Variants in ACTR3C observed in about 807,000 individuals in gnomAD.
ACTR3C encodes the protein actin related protein 3C.
A neutral mutation model predicts 26.3 loss-of-function variants in ACTR3C; 18 were observed. The observed-to-expected ratio is 0.68, with a 90% CI of 0.47 to 1.01. ACTR3C has a LOEUF of 1.01. ACTR3C is among the 50% of genes least tolerant of loss of function. The pLI, the probability that ACTR3C is intolerant of heterozygous loss-of-function variation, is 0.00. For missense variants in ACTR3C, 184 were observed against 250.7 expected (o/e 0.73, Z 1.80); for synonymous variants, 55 against 94.5 (o/e 0.58, Z 2.42).
At chr7:150,079,975 G>A in the ACTR3C span, among the ~76,000 whole-genome samples, 2 of 152,302 alleles carry the variant, frequency 1.3e-5, no homozygotes, top group South Asian at 2.1e-4. Context: ...TGAGGTCAGA[G>A]GCTATTTAAA....
At chr7:149,978,507 C>T in the ACTR3C span, among the ~76,000 whole-genome samples, 7 of 151,790 alleles carry the variant, frequency 4.6e-5, no homozygotes, top group Non-Finnish European at 8.8e-5. Context: ...CTAAGACCTA[C>T]GGGTGTCTAC....
chr7:150,252,877 T>C (rs927320154), intron 6 of ACTR3C, among the ~76,000 whole-genome samples: 2 of 152,118 alleles, frequency 1.3e-5, no homozygotes, highest in African/African-American at 4.8e-5. Flanking sequence ...TAATATGATA[T>C]ATTGTGTGAT....
At chr7:150,209,764 A>ACACACACAC in the ACTR3C span, among the ~76,000 whole-genome samples, 2 of 88,632 alleles carry the variant, frequency 2.3e-5, no homozygotes, top group Admixed American at 1.0e-4. Flanking sequence ...CACACACACA[A>ACACACACAC]AATTAGCTGG....
At chr7:150,296,766 TA>T (rs1459016085) in intron 1 of ACTR3C, among the ~76,000 whole-genome samples, 1 of 145,618 alleles carries the variant, frequency 6.9e-6, no homozygotes, top group African/African-American at 2.6e-5. Flanking sequence ...CCTGAGGTCA[TA>T]GGGGTGGGGC....
chr7:149,962,576 G>T, the ACTR3C span, among the ~76,000 whole-genome samples: 2 of 152,050 alleles, frequency 1.3e-5, no homozygotes, highest in African/African-American at 4.8e-5. Flanking sequence ...ACAGGCTGAT[G>T]CTCTCCCGAC....
In ACTR3C at chr7:150,286,526, G is replaced by T. The variant is rs200546664; in HGVS notation, c.312C>A (p.Tyr104Ter). 5 of 1,611,160 alleles carry T rather than the reference G, an allele frequency of 3.1e-6. No homozygotes were observed. In the African/African-American group the frequency reaches 5.4e-5, roughly 17 times the overall value. Residue 104 changes from tyrosine (Y) to a stop codon, truncating the protein, a stop_gained, in exon 5 of 8, where the codon TAC becomes TAA. Coordinates refer to ENST00000683684, the MANE Select transcript of ACTR3C (RefSeq NM_001164458.2). LOFTEE classifies it high-confidence loss of function. Reference protein sequence around the residue: ...TAKAIKEKYCYICPDIVKEFA... With the variant: ...TAKAIKEKYC ...ATTCCTTGACTATATCGGGGCAAAT[G>T]TAACAGTATTTCTCCTGCATACACA...
chr7:150,228,535 A>G, the ACTR3C span, among the ~76,000 whole-genome samples: 2 of 152,206 alleles, frequency 1.3e-5, no homozygotes, highest in Non-Finnish European at 2.9e-5. Context: ...AGAGGAAGGC[A>G]AAAGAGCAAA....
Position 150,277,858 on chromosome 7 carries a change from C to A in ACTR3C, c.564+6895G>T, listed in dbSNP as rs1333075842. Among the ~76,000 whole-genome samples the A allele has an allele frequency of 2.6e-5, 4 of 152,312 alleles. No homozygotes were observed. The East Asian group carries it at 7.7e-4, about 29-fold the overall frequency. ...CCAGTCTCCATCTCCAATCCACATC[C>A]CCTGGTGCAGCCCAAGCACTTTTCT... On this transcript the variant is annotated intron_variant, in intron 6 of 7. Transcript: ENST00000683684.
At chr7:149,960,607 G>T in the ACTR3C span, among the ~76,000 whole-genome samples, 7 of 152,146 alleles carry the variant, frequency 4.6e-5, no homozygotes, top group Admixed American at 4.6e-4. Flanking sequence ...CGTCATTTTG[G>T]AAGCCACCAT....
At chr7:150,181,782 C>T in the ACTR3C span, among the ~76,000 whole-genome samples, 1 of 150,332 alleles carries the variant, frequency 6.7e-6, no homozygotes, top group African/African-American at 2.5e-5. Context: ...AAAAGATCAA[C>T]AAATAGAAAA....
intron 1 of ACTR3C, among the ~76,000 whole-genome samples, chr7:150,321,069 T>G (rs754656652): frequency 6.6e-6 from 1 of 152,194 alleles, no homozygotes; most frequent in Non-Finnish European, 1.5e-5. Flanking sequence ...TTAGCAAGAA[T>G]CCTGCTGAGT....
chr7:150,035,732 T>A, the ACTR3C span, among the ~76,000 whole-genome samples: 21 of 137,572 alleles, frequency 1.5e-4, 1 homozygote, highest in Non-Finnish European at 3.0e-4. Flanking sequence ...ATGGTCTGGC[T>A]CTCAGTCCCC....
the ACTR3C span, among the ~76,000 whole-genome samples, chr7:149,885,484 G>A: frequency 1.1e-4 from 17 of 152,328 alleles, no homozygotes; most frequent in South Asian, 2.1e-4. Context: ...GCACTGCCCC[G>A]AGCCCAGTGG....
the ACTR3C span, among the ~76,000 whole-genome samples, chr7:149,936,953 C>G: frequency 2.6e-5 from 4 of 151,612 alleles, no homozygotes; most frequent in African/African-American, 9.7e-5. Context: ...CCATACCCAG[C>G]TAACTTTCTG....
chr7:150,305,934 C>A (rs551853637), intron 1 of ACTR3C, among the ~76,000 whole-genome samples: 18 of 152,256 alleles, frequency 1.2e-4, no homozygotes, highest in African/African-American at 4.3e-4. Flanking sequence ...ATGGCTTGGT[C>A]TTAAATCTTT....
downstream of ACTR3C, among the ~76,000 whole-genome samples, chr7:150,243,748 G>A (rs970374779): frequency 6.6e-6 from 1 of 152,028 alleles, no homozygotes; most frequent in African/African-American, 2.4e-5. Flanking sequence ...ATGCCGGATT[G>A]TTTAGGGAAA....
At chr7:150,093,148 G>T in the ACTR3C span, among the ~76,000 whole-genome samples, 1 of 151,296 alleles carries the variant, frequency 6.6e-6, no homozygotes, top group Middle Eastern at 3.4e-3. Flanking sequence ...ACAGGTTGTT[G>T]GGAGAACTAA....
chr7:149,984,061 A>G, the ACTR3C span, among the ~76,000 whole-genome samples: 2 of 152,254 alleles, frequency 1.3e-5, no homozygotes, highest in Admixed American at 6.5e-5. Flanking sequence ...TTCAGTTAAC[A>G]AGACTTAAAC....
the ACTR3C span, among the ~76,000 whole-genome samples, chr7:149,986,052 G>T: frequency 6.6e-6 from 1 of 151,682 alleles, no homozygotes; most frequent in South Asian, 2.1e-4. Context: ...ACCCTGGAAG[G>T]TTTTCTGACT....
Sources: allele counts gnomAD v4.1 joint callset (sites outside exome capture counted in the v4.1 genomes callset), GRCh38; gene constraint gnomAD v4.1.1; transcripts MANE v1.5; gene names NCBI Gene and HGNC (gene_info 2026-07-23, HGNC 2026-07-21).